The following NKAIN3 variants were observed in gnomAD, a reference collection of about 807,000 sequenced individuals.
NKAIN3 encodes the protein sodium/potassium transporting ATPase interacting 3, also known as sodium/potassium-transporting ATPase subunit beta-1-interacting protein 3.
Under a neutral mutation model 30.2 loss-of-function variants are expected in NKAIN3, and 25 were observed. The ratio of observed to expected loss-of-function variants is 0.83; its 90% CI spans 0.60 to 1.16. NKAIN3 has a LOEUF of 1.16. NKAIN3 is among the 50% of genes most tolerant of loss of function. The pLI is 0.00. For missense variants in NKAIN3, 225 were observed against 254.1 expected (o/e 0.89, Z 0.78); for synonymous variants, 91 against 89.6 (o/e 1.02, Z -0.09).
At chr8:62,395,766 A>T (rs1817735399) in intron 1 of NKAIN3, among the ~76,000 whole-genome samples, 1 of 152,222 alleles carries the variant, frequency 6.6e-6, no homozygotes, top group Non-Finnish European at 1.5e-5. Flanking sequence ...TGAAGTGATA[A>T]GTAGATATAG....
intron 3 of NKAIN3, among the ~76,000 whole-genome samples, chr8:62,595,001 G>A (rs1810777829): frequency 6.6e-6 from 1 of 151,838 alleles, no homozygotes; most frequent in Non-Finnish European, 1.5e-5. Flanking sequence ...GAAGACCACT[G>A]CCGTGAATAT....
chr8:62,524,902 A>C (rs1808256251), intron 1 of NKAIN3, among the ~76,000 whole-genome samples: 1 of 152,124 alleles, frequency 6.6e-6, no homozygotes, highest in Non-Finnish European at 1.5e-5. Context: ...TTGATGCTCT[A>C]TATGGTCATA....
chr8:62,674,817 A>G (rs573191914), intron 3 of NKAIN3, among the ~76,000 whole-genome samples: 1 of 152,312 alleles, frequency 6.6e-6, no homozygotes, highest in South Asian at 2.1e-4. Flanking sequence ...ATCCTTTAAA[A>G]TTGTTACCTA....
At chr8:62,474,610 T>A (rs1458429167) in intron 1 of NKAIN3, among the ~76,000 whole-genome samples, 2 of 152,216 alleles carry the variant, frequency 1.3e-5, no homozygotes, top group Non-Finnish European at 2.9e-5. Flanking sequence ...CAAAACCTTT[T>A]AAGTGCTAAA....
chr8:62,729,033 A>AAC lies in NKAIN3; in HGVS notation c.274-17898_274-17897insCA, dbSNP rs1314285057. Among the ~76,000 whole-genome samples the AAC allele has an allele frequency of 2.7e-3, 307 of 111,900 alleles. 33 individuals carry two copies. The highest frequency in any genetic ancestry group is 0.011 in the African/African-American group (276 of 26,252). 73.4% of individuals were successfully genotyped at this position (111,900 alleles called of 152,430 possible). A position where few individuals can be genotyped will look rare whatever the true frequency, so the allele number is the denominator to read the frequency against. On this transcript the variant is annotated intron_variant, in intron 3 of 6. Transcript: ENST00000623646. ...AACAAAACAAACAAACCAAAAAAAA[A>AAC]AAAAAACAAAAAAAAAAAACCTCCT... is the stretch of plus-strand genomic sequence containing the variant.
At chr8:62,949,990 T>C (rs1041024985) in intron 5 of NKAIN3, among the ~76,000 whole-genome samples, 1 of 152,226 alleles carries the variant, frequency 6.6e-6, no homozygotes, top group Non-Finnish European at 1.5e-5. Context: ...ATTCACACCC[T>C]GATTTCCACT....
At chr8:62,368,658 A>G (rs1183247721) in intron 1 of NKAIN3, among the ~76,000 whole-genome samples, 1 of 152,192 alleles carries the variant, frequency 6.6e-6, no homozygotes, top group African/African-American at 2.4e-5. Context: ...GCAAAAGGCC[A>G]TCACAACCTT....
intron 3 of NKAIN3, among the ~76,000 whole-genome samples, chr8:62,745,875 T>G (rs1816053493): frequency 6.6e-6 from 1 of 152,176 alleles, no homozygotes; most frequent in Non-Finnish European, 1.5e-5. Context: ...TGCCGCATTA[T>G]AGCTAAAAGT....
intron 3 of NKAIN3, among the ~76,000 whole-genome samples, chr8:62,725,466 G>A (rs574306904): frequency 1.3e-5 from 2 of 152,116 alleles, no homozygotes; most frequent in South Asian, 4.1e-4. Context: ...ATCCTAAAGG[G>A]TTTCCCCAAA....
intron 5 of NKAIN3, among the ~76,000 whole-genome samples, chr8:62,949,837 C>G (rs191685513): frequency 6.6e-6 from 1 of 152,282 alleles, no homozygotes; most frequent in East Asian, 1.9e-4. Flanking sequence ...ATGCTTCCTT[C>G]AGTTGCTCCA....
intron 1 of NKAIN3, among the ~76,000 whole-genome samples, chr8:62,495,791 TAGG>T (rs958734744): frequency 6.6e-6 from 1 of 152,100 alleles, no homozygotes; most frequent in Admixed American, 6.6e-5. Flanking sequence ...AACTTTTGGA[TAGG>T]AGAACTGATA....
chr8:62,299,064 C>G (rs1323387888), intron 1 of NKAIN3, among the ~76,000 whole-genome samples: 1 of 151,740 alleles, frequency 6.6e-6, no homozygotes, highest in Non-Finnish European at 1.5e-5. Context: ...TAATGTTTTC[C>G]CTGTATGTCT....
intron 3 of NKAIN3, among the ~76,000 whole-genome samples, chr8:62,630,791 CT>C (rs1811932509): frequency 6.6e-6 from 1 of 152,188 alleles, no homozygotes; most frequent in Non-Finnish European, 1.5e-5. Context: ...TCAGAGAAAT[CT>C]GCCTCCACCC....
chr8:62,750,239 G>C (rs1294690760), intron 4 of NKAIN3, among the ~76,000 whole-genome samples: 1 of 151,946 alleles, frequency 6.6e-6, no homozygotes, highest in African/African-American at 2.4e-5. Flanking sequence ...AGGGACTGAC[G>C]GAGGTGGCCA....
At chr8:62,464,117 T>C (rs1237208833) in intron 1 of NKAIN3, among the ~76,000 whole-genome samples, 2 of 152,216 alleles carry the variant, frequency 1.3e-5, no homozygotes, top group African/African-American at 4.8e-5. Context: ...TGTACCTTGA[T>C]ATTGTTAAGA....
At chr8:62,531,075 G>A (rs772663212) in intron 1 of NKAIN3, among the ~76,000 whole-genome samples, 1 of 151,946 alleles carries the variant, frequency 6.6e-6, no homozygotes, top group South Asian at 2.1e-4. Flanking sequence ...TGCCCACATC[G>A]ACCTTTCCAC....
chr8:62,734,487 A>G (rs1177223918), intron 3 of NKAIN3, among the ~76,000 whole-genome samples: 2 of 152,174 alleles, frequency 1.3e-5, no homozygotes, highest in Non-Finnish European at 2.9e-5. Flanking sequence ...TAGTTTTAAG[A>G]TAAATTACTT....
intron 1 of NKAIN3, among the ~76,000 whole-genome samples, chr8:62,527,704 C>T (rs1808349105): frequency 6.6e-6 from 1 of 152,054 alleles, no homozygotes; most frequent in East Asian, 1.9e-4. Context: ...TTTATCTCTC[C>T]AATCCAATCA....
chr8:62,817,860 A>G (rs1286256820), intron 4 of NKAIN3, among the ~76,000 whole-genome samples: 2 of 152,104 alleles, frequency 1.3e-5, no homozygotes, highest in Admixed American at 1.3e-4. Flanking sequence ...AGCAGGTCTG[A>G]GGCTTCATTT....
Sources: allele counts gnomAD v4.1 joint callset (sites outside exome capture counted in the v4.1 genomes callset), GRCh38; gene constraint gnomAD v4.1.1; transcripts MANE v1.5; gene names NCBI Gene and HGNC (gene_info 2026-07-23, HGNC 2026-07-21).